LRP1B: variants seen among roughly 807,000 people sequenced by gnomAD.
The protein encoded by LRP1B is LDL receptor related protein 1B.
A neutral mutation model predicts 556.6 loss-of-function variants in LRP1B; 217 were observed. The ratio of observed to expected loss-of-function variants is 0.39; its 90% confidence interval spans 0.35 to 0.44. The LOEUF (loss-of-function observed/expected upper bound fraction) is 0.44. LRP1B is among the 20% of genes least tolerant of loss of function. The pLI, the probability that LRP1B is intolerant of heterozygous loss-of-function variation, is 1.00. For synonymous variants in LRP1B, 2,047 were observed against 1,865.8 expected (o/e 1.10, Z -2.50); for missense variants, 5,053 against 5,620.8 (o/e 0.90, Z 3.23).
chr2:140,402,396 A>G (rs1684544274), intron 66 of LRP1B, among the ~76,000 whole-genome samples: 1 of 152,138 alleles, frequency 6.6e-6, no homozygotes, highest in South Asian at 2.1e-4. Context: ...CACTGCAGAC[A>G]TGGCTGGGGC....
chr2:140,285,968 T>G (rs35902922), intron 84 of LRP1B, among the ~76,000 whole-genome samples: 1 of 151,878 alleles, frequency 6.6e-6, no homozygotes, highest in East Asian at 1.9e-4. Context: ...AGTGGTTAGA[T>G]TCTTAATTAT....
chr2:141,950,226 T>A (rs183683396), intron 1 of LRP1B, among the ~76,000 whole-genome samples: 1 of 152,298 alleles, frequency 6.6e-6, no homozygotes, highest in Non-Finnish European at 1.5e-5. Flanking sequence ...AAATTGAATT[T>A]CTGAAAATAT....
At chr2:140,810,245 T>G (rs1298964853) in intron 32 of LRP1B, among the ~76,000 whole-genome samples, 1 of 152,186 alleles carries the variant, frequency 6.6e-6, no homozygotes, top group African/African-American at 2.4e-5. Context: ...TCTTAAATTT[T>G]TTAGTGAAAG....
intron 1 of LRP1B, among the ~76,000 whole-genome samples, chr2:142,104,717 C>T (rs1233417763): frequency 6.6e-6 from 1 of 152,152 alleles, no homozygotes; most frequent in African/African-American, 2.4e-5. Flanking sequence ...ACTTGGGTCT[C>T]ATTCCAGGAA....
rs182844389 is a variant in LRP1B, at chr2:140,468,750, T to G, written c.9625+6388A>C. Among the ~76,000 whole-genome samples the G allele has an allele frequency of 1.6e-3, 240 of 152,374 alleles. 1 individual carries two copies. The highest frequency in any genetic ancestry group is 5.3e-3 in the African/African-American group (222 of 41,594). On this transcript the variant is annotated intron_variant, in intron 60 of 90. Coordinates refer to ENST00000389484, the MANE Select transcript of LRP1B (RefSeq NM_018557.3). ...CTACAGCTTTCCCCTTCTTCTGAGC[T>G]CTCACCAGTTATGCTCTTAAGAAAA...
At chr2:141,991,703 A>G (rs975563580) in intron 1 of LRP1B, among the ~76,000 whole-genome samples, 1 of 152,094 alleles carries the variant, frequency 6.6e-6, no homozygotes, top group Admixed American at 6.6e-5. Context: ...CTAAACTTAC[A>G]TAAGGAGGAG....
chr2:142,104,448 C>T (rs931442918), intron 1 of LRP1B, among the ~76,000 whole-genome samples: 2 of 152,026 alleles, frequency 1.3e-5, no homozygotes, highest in Admixed American at 6.6e-5. Context: ...AAACTGGCAC[C>T]CTTTGATTTA....
intron 20 of LRP1B, among the ~76,000 whole-genome samples, chr2:140,949,167 T>G (rs972003138): frequency 1.1e-4 from 16 of 152,260 alleles, no homozygotes; most frequent in African/African-American, 3.9e-4. Flanking sequence ...ATATTTAAAC[T>G]GAGCAGATGC....
At chr2:142,049,771 C>T (rs1390681083) in intron 1 of LRP1B, among the ~76,000 whole-genome samples, 1 of 152,040 alleles carries the variant, frequency 6.6e-6, no homozygotes, top group Non-Finnish European at 1.5e-5. Flanking sequence ...ACACTGATTC[C>T]ATTTAAGATG....
intron 7 of LRP1B, among the ~76,000 whole-genome samples, chr2:141,123,738 C>T (rs986152357): frequency 1.3e-5 from 2 of 152,104 alleles, no homozygotes; most frequent in African/African-American, 4.8e-5. Flanking sequence ...AAAATTCTCA[C>T]GTTTTTGACA....
At chr2:140,581,486 A>ATT (rs576804145) in intron 43 of LRP1B, among the ~76,000 whole-genome samples, 3 of 149,158 alleles carry the variant, frequency 2.0e-5, no homozygotes, top group Non-Finnish European at 4.5e-5. Context: ...AGGCTTTGTT[A>ATT]TTTTTTTTTT....
chr2:141,582,901 T>C (rs1000425518), intron 2 of LRP1B, among the ~76,000 whole-genome samples: 9 of 141,322 alleles, frequency 6.4e-5, no homozygotes, highest in Non-Finnish European at 1.4e-4. Flanking sequence ...AGTGGCCTGA[T>C]CTCGGCTCAC....
chr2:141,487,167 G>A (rs1223691180), intron 2 of LRP1B, among the ~76,000 whole-genome samples: 2 of 152,076 alleles, frequency 1.3e-5, no homozygotes, highest in Admixed American at 6.6e-5. Flanking sequence ...ACTATATACT[G>A]TCATTTCTTT....
chr2:141,925,365 C>A (rs1700306239), intron 1 of LRP1B, among the ~76,000 whole-genome samples: 1 of 152,090 alleles, frequency 6.6e-6, no homozygotes, highest in Non-Finnish European at 1.5e-5. Context: ...TATAATATTA[C>A]AAATGAAGAG....
At position 141,975,583 on chromosome 2, in the gene LRP1B, G is replaced by A. The variant is rs75937298; in HGVS notation, c.82+155065C>T. Among the ~76,000 whole-genome samples the A allele has an allele frequency of 2.8e-3, 433 of 152,184 alleles. 6 individuals are homozygous for A. In the East Asian group the frequency reaches 0.035, roughly 12 times the overall value. ...TTAGTGGCTTAAGGACCCTTCAGCT[G>A]TAATGTGTTAACATAGTTAGTTGAC... is the stretch of plus-strand genomic sequence containing the variant. On this transcript the variant is annotated intron_variant, in intron 1 of 90. Transcript: ENST00000389484.
At chr2:140,272,028 A>G (rs57006385) in intron 85 of LRP1B, among the ~76,000 whole-genome samples, 2 of 151,676 alleles carry the variant, frequency 1.3e-5, no homozygotes, top group Non-Finnish European at 2.9e-5. Flanking sequence ...AGACAAAAAA[A>G]CCTGATTGCT....
intron 7 of LRP1B, among the ~76,000 whole-genome samples, chr2:141,068,599 T>G (rs1303264507): frequency 6.6e-6 from 1 of 151,768 alleles, no homozygotes; most frequent in Non-Finnish European, 1.5e-5. Flanking sequence ...GTTGCCATTT[T>G]GAACATGCCT....
intron 7 of LRP1B, among the ~76,000 whole-genome samples, chr2:141,121,119 T>C (rs1350422828): frequency 1.8e-4 from 27 of 152,014 alleles, no homozygotes; most frequent in Admixed American, 1.8e-3. Flanking sequence ...GGCAAGTAAT[T>C]AATCTGTGTA....
intron 60 of LRP1B, among the ~76,000 whole-genome samples, chr2:140,466,580 A>C (rs1383178846): frequency 6.6e-6 from 1 of 152,224 alleles, no homozygotes; most frequent in Non-Finnish European, 1.5e-5. Context: ...AATATAAAAG[A>C]GTTCAGTGGT....
Sources: allele counts gnomAD v4.1 joint callset (sites outside exome capture counted in the v4.1 genomes callset), GRCh38; gene constraint gnomAD v4.1.1; transcripts MANE v1.5; gene names NCBI Gene and HGNC (gene_info 2026-07-23, HGNC 2026-07-21).